Variants in STARD9 observed in about 807,000 individuals in gnomAD.
STARD9 encodes the protein StAR related lipid transfer domain containing 9.
STARD9 carries 346 observed loss-of-function variants against 399.8 expected under a neutral mutation model. The observed-to-expected ratio is 0.87, with a 90% CI of 0.79 to 0.95. STARD9 has a LOEUF of 0.95. Ranked by LOEUF, STARD9 falls within the 40% of genes least tolerant of loss-of-function variation. The probability of loss-of-function intolerance (pLI) is 0.00; values close to 1 mark genes in which losing one functional copy is unlikely to be tolerated. For missense variants in STARD9, 5,832 were observed against 5,667.5 expected (o/e 1.03, Z -0.93); for synonymous variants, 2,203 against 2,143.5 (o/e 1.03, Z -0.77).
Position 42,686,997 on chromosome 15 carries a change from T to G in STARD9, c.5419T>G (p.Ser1807Ala). 1 of 1,536,792 alleles carries G rather than the reference T, an allele frequency of 6.5e-7. No individual in the cohort carries two copies. The change falls in exon 23 of 33, where the codon TCT (serine) becomes GCT (alanine). Residue 1807 changes from serine (S) to alanine (A), a missense_variant. Physicochemically the swap from Ser to Ala is moderately conservative, Grantham distance 99. Around this residue, in one of 2 missense-constraint regions of STARD9, gnomAD observed 5,828 missense variants for 5,651.1 expected, o/e 1.03. Coordinates refer to ENST00000290607, the MANE Select transcript of STARD9 (RefSeq NM_020759.3). Reference protein sequence around the residue: ...NLPVLLQNQNSKIASSQQVTA... With the variant: ...NLPVLLQNQNAKIASSQQVTA... ...GCCAGTGCTGTTACAAAACCAGAAT[T>G]CTAAGATTGCCTCATCTCAGCAGGT... is the stretch of plus-strand genomic sequence containing the variant.
At chr15:42,707,775 A>T (rs1177712257) in intron 26 of STARD9, among the ~76,000 whole-genome samples, 1 of 152,232 alleles carries the variant, frequency 6.6e-6, no homozygotes, top group Non-Finnish European at 1.5e-5. Context: ...TATAAATACA[A>T]CATACACAAC....
rs1025969021 is a variant in STARD9 at position 42,692,545 on chromosome 15, TCTC to T, written c.10970_10972del (p.Ser3657del). On this transcript the variant is annotated inframe_deletion, in exon 23 of 33. Coordinates refer to ENST00000290607, the MANE Select transcript of STARD9 (RefSeq NM_020759.3). ...AGGCGCCACTGGAGCAGCACTGACA[TCTC>T]CTTTGCTCAGCCTGAAGCCAGTGCA... is the stretch of plus-strand genomic sequence containing the variant. The T allele has an allele frequency of 3.3e-5, 51 of 1,537,034 alleles. No homozygotes were observed. The highest frequency in any genetic ancestry group is 5.9e-5 in the Admixed American group (3 of 50,974).
At chr15:42,674,799 A>G (rs1332718639) in intron 17 of STARD9, 28 bp from the exon 18 acceptor site, 2 of 1,501,176 alleles carry the variant, frequency 1.3e-6, no homozygotes, top group Non-Finnish European at 1.8e-6. Flanking sequence ...TCGTCCTCCC[A>G]CCCAAGTGAC....
chr15:42,675,854 C>G lies in STARD9; in HGVS notation c.1771-18C>G, dbSNP rs1595750730. On this transcript the variant is annotated intron_variant, in intron 19 of 32. Transcript: ENST00000290607. ...AGGCGATGACAGCAGCCTCACTGTG[C>G]TTTCTTCCTTGTTCAAGGTTGGAGA... 4.6e-6 allele frequency: 7 copies of G among 1,537,072 alleles called. No homozygotes were observed. The highest frequency in any genetic ancestry group is 5.2e-6 in the Non-Finnish European group (6 of 1,146,750).
In STARD9 at chr15:42,719,499, A is replaced by C. The variant is rs1352410667; in HGVS notation, c.14028A>C (p.Pro4676=). 1.3e-6 allele frequency: 2 copies of C among 1,537,068 alleles called. No individual in the cohort carries two copies. Among genetic ancestry groups the C allele is most frequent in the East Asian group, 4.9e-5 (2 of 40,908 alleles). ...AQVELGAPGF[P]PQLLSSFIKR... ...TGGAACTTGGTGCTCCAGGCTTCCC[A>C]CCTCAGCTCCTGAGCTCTTTCATCA... The change falls in exon 33 of 33, where the codon CCA becomes CCC. Residue 4676 remains proline (P), a synonymous_variant. Transcript: ENST00000290607.
At chr15:42,580,536 G>A (rs1281865284) in intron 1 of STARD9, among the ~76,000 whole-genome samples, 1 of 152,106 alleles carries the variant, frequency 6.6e-6, no homozygotes, top group Non-Finnish European at 1.5e-5. Context: ...AAAACAACTA[G>A]AAGGCGTGGT....
intron 26 of STARD9, among the ~76,000 whole-genome samples, chr15:42,703,020 T>A (rs1047248373): frequency 1.3e-5 from 2 of 152,036 alleles, no homozygotes; most frequent in African/African-American, 2.4e-5. Flanking sequence ...GTCTTGAACT[T>A]CTGGCCTCAA....
At chr15:42,704,336 T>G (rs2061029798) in intron 26 of STARD9, among the ~76,000 whole-genome samples, 1 of 152,242 alleles carries the variant, frequency 6.6e-6, no homozygotes, top group Non-Finnish European at 1.5e-5. Flanking sequence ...AGATTATACT[T>G]CTCAATCTCT....
intron 17 of STARD9, 58 bp from the exon 18 acceptor site, chr15:42,674,769 G>A: frequency 6.8e-7 from 1 of 1,469,728 alleles, no homozygotes; most frequent in Non-Finnish European, 9.0e-7. Context: ...AGAAAGAAAT[G>A]GAGAGGGTGT....
intron 1 of STARD9, among the ~76,000 whole-genome samples, chr15:42,578,811 A>C (rs1283390868): frequency 6.6e-6 from 1 of 152,234 alleles, no homozygotes; most frequent in African/African-American, 2.4e-5. Flanking sequence ...TCATCACAAA[A>C]GGTTTTCACT....
chr15:42,682,729 C>G lies in STARD9; in HGVS notation c.2537+154C>G, dbSNP rs910995789. On this transcript the variant is annotated intron_variant, in intron 22 of 32. Coordinates refer to ENST00000290607, the MANE Select transcript of STARD9 (RefSeq NM_020759.3). ...TCTTCCTCATGACTTTTTCCATCTT[C>G]TGGTTACTCTTCTTTCTGTGTATAT... Among the ~76,000 whole-genome samples the G allele has an allele frequency of 5.3e-5, 8 of 152,300 alleles. No homozygotes were observed. In the East Asian group the frequency reaches 1.5e-3, roughly 29 times the overall value.
Position 42,687,697 on chromosome 15 carries a change from G to T in STARD9, c.6119G>T (p.Arg2040Ile). The T allele has an allele frequency of 1.3e-6, 2 of 1,537,278 alleles. No homozygotes were observed. The highest frequency in any genetic ancestry group is 1.7e-6 in the Non-Finnish European group (2 of 1,146,888). ...REPSGKKQNK[R>I]VNNTDEMARL... ...CCTTCTGGAAAGAAACAGAATAAAA[G>T]AGTTAATAATACTGATGAAATGGCT... Residue 2040 changes from arginine to isoleucine, a missense_variant, in exon 23 of 33, where the codon AGA becomes ATA. This residue lies in a region of STARD9 where 5,828 missense variants were observed against 5,651.1 expected (regional missense o/e 1.03). Coordinates refer to ENST00000290607, the MANE Select transcript of STARD9 (RefSeq NM_020759.3).
chr15:42,605,236 A>G lies in STARD9; in HGVS notation c.234+19599A>G, dbSNP rs143689566. Among the ~76,000 whole-genome samples, 680 of 152,324 alleles carry G rather than the reference A, an allele frequency of 4.5e-3. 4 individuals are homozygous for G. The highest frequency in any genetic ancestry group is 0.034 in the Middle Eastern group (10 of 294). ...TTAACTTGATGTATGGTCATTATAG[A>G]GGGGCTGGATTCAGATGTTTGAACT... is the stretch of plus-strand genomic sequence containing the variant. On this transcript the variant is annotated intron_variant, in intron 3 of 32. Transcript: ENST00000290607.
Position 42,663,840 on chromosome 15 carries a change from A to G in STARD9, c.1099A>G (p.Ser367Gly), listed in dbSNP as rs1227352687. 6.5e-7 allele frequency: 1 copy of G among 1,536,714 alleles called. No individual in the cohort carries two copies. The highest frequency in any genetic ancestry group is 8.7e-7 in the Non-Finnish European group (1 of 1,146,392). Residue 367 changes from serine (S) to glycine (G), a missense_variant, in exon 13 of 33, where the codon AGC becomes GGC. Physicochemically the swap from Ser to Gly is moderately conservative, Grantham distance 56. This residue lies in a region of STARD9 where 5,828 missense variants were observed against 5,651.1 expected (regional missense o/e 1.03). Coordinates refer to ENST00000290607, the MANE Select transcript of STARD9 (RefSeq NM_020759.3). ...MVATVSPAHT[S>G]YSETMSTLRY... ...CTCAGCGGTGTCTCCTGCACACACT[A>G]GCTACAGTGAGACCATGAGCACACT...
chr15:42,657,518 A>G (rs1418677000), intron 9 of STARD9, among the ~76,000 whole-genome samples: 1 of 152,250 alleles, frequency 6.6e-6, no homozygotes, highest in Non-Finnish European at 1.5e-5. Context: ...TGGAATTGAA[A>G]GATTAAAATA....
chr15:42,600,458 T>TAAAC (rs1000279603), intron 3 of STARD9, among the ~76,000 whole-genome samples: 2 of 151,918 alleles, frequency 1.3e-5, no homozygotes, highest in African/African-American at 4.8e-5. Context: ...AGGTGCTGGG[T>TAAAC]AAACAAATGG....
rs535756128 is a variant in STARD9 at position 42,690,159 on chromosome 15, C to T, written c.8581C>T (p.Leu2861=). 6.5e-7 allele frequency: 1 copy of T among 1,537,798 alleles called. No individual in the cohort carries two copies. Among genetic ancestry groups the T allele is most frequent in the African/African-American group, 1.4e-5 (1 of 73,176 alleles). Reference sequence around the variant, plus strand: ...ACAAGATACCATTCTGCCTGGAGCTCTGACAAGGGTTGCACTGGAAGCTCC... The same window carrying T: ...ACAAGATACCATTCTGCCTGGAGCTTTGACAAGGGTTGCACTGGAAGCTCC... ...PKQDTILPGA[L]TRVALEAPTQ... is the part of the protein sequence containing the mutation. The change falls in exon 23 of 33, where the codon CTG becomes TTG. Residue 2861 remains leucine (L), a synonymous_variant. Coordinates refer to ENST00000290607, the MANE Select transcript of STARD9 (RefSeq NM_020759.3).
At chr15:42,626,212 C>A (rs1326308284) in intron 3 of STARD9, among the ~76,000 whole-genome samples, 3 of 152,198 alleles carry the variant, frequency 2.0e-5, no homozygotes, top group Non-Finnish European at 2.9e-5. Flanking sequence ...GCATGAGCCA[C>A]CACACCTGGC....
In STARD9 at chr15:42,688,941, G is replaced by A. The variant is rs373763603; in HGVS notation, c.7363G>A (p.Gly2455Ser). 4.7e-5 allele frequency: 73 copies of A among 1,537,288 alleles called. No homozygotes were observed. In the Middle Eastern group the frequency reaches 6.7e-4, roughly 14 times the overall value. The change falls in exon 23 of 33, where the codon GGT (glycine) becomes AGT (serine). Residue 2455 changes from glycine (G) to serine (S), a missense_variant. By Grantham distance (56) the Gly-to-Ser change is moderately conservative (BLOSUM62 0). Coordinates refer to ENST00000290607, the MANE Select transcript of STARD9 (RefSeq NM_020759.3). ...AAAGGACCTCAGAATCACCTTGCTG[G>A]GTTTCAGTACCAGTGAAGATTTTGC... ...HGKDLRITLL[G>S]FSTSEDFASE...
Sources: gnomAD v4.1 joint callset for allele counts (sites outside exome capture counted in the v4.1 genomes callset) on GRCh38, gnomAD v4.1.1 for gene constraint, gnomAD v4.1.1 regional missense constraint, MANE v1.5 for transcripts, NCBI Gene and HGNC (gene_info 2026-07-23, HGNC 2026-07-21) for gene names.